The following ARL9 variants were observed in gnomAD, a reference collection of about 807,000 sequenced individuals.
ARL9 encodes the protein ARF like GTPase 9.
A neutral mutation model predicts 27.0 loss-of-function variants in ARL9; 14 were observed. The ratio of observed to expected loss-of-function variants is 0.52; its 90% CI spans 0.34 to 0.81. ARL9 has a LOEUF of 0.81. Among genes scored for constraint, ARL9 ranks in the 30% least tolerant of loss-of-function variants. The pLI is 0.01. For missense variants in ARL9, 294 were observed against 290.0 expected (o/e 1.01, Z -0.10); for synonymous variants, 106 against 108.7 (o/e 0.98, Z 0.15).
chr4:56,518,979 T>G, intron 3 of ARL9, 126 bp downstream of exon 3: 1 of 924,872 alleles, frequency 1.1e-6, no homozygotes, highest in Non-Finnish European at 1.6e-6. Context: ...TTAGAGCTCT[T>G]GGATTATAAA....
At chr4:56,507,965 CAA>C (rs202126461) in intron 1 of ARL9, among the ~76,000 whole-genome samples, 22,121 of 122,826 alleles carry the variant, frequency 0.18, 2,134 homozygotes, top group East Asian at 0.48. Context: ...GATTCTGTAT[CAA>C]AAAAAAAAAA....
chr4:56,517,884 A>C (rs1459658362), intron 2 of ARL9, among the ~76,000 whole-genome samples: 1 of 152,176 alleles, frequency 6.6e-6, no homozygotes, highest in African/African-American at 2.4e-5. Context: ...AAAGGAAAAA[A>C]ATTGTGCAAG....
upstream of ARL9, chr4:56,505,596 T>C (rs1010635586): frequency 3.5e-5 from 21 of 597,386 alleles, no homozygotes; most frequent in African/African-American, 3.5e-4. Flanking sequence ...TTGGTTTCGC[T>C]TGGCTGGGCT....
intron 3 of ARL9, among the ~76,000 whole-genome samples, chr4:56,522,482 GA>G (rs1437443063): frequency 1.3e-5 from 2 of 151,768 alleles, no homozygotes; most frequent in Non-Finnish European, 2.9e-5. Context: ...GTTATTTCCA[GA>G]GATTTAAAAA....
intron 3 of ARL9, among the ~76,000 whole-genome samples, chr4:56,520,957 A>T (rs1194748086): frequency 6.6e-6 from 1 of 152,088 alleles, no homozygotes; most frequent in Non-Finnish European, 1.5e-5. Context: ...CATGCCTGTA[A>T]TCCCAGCACT....
chr4:56,518,943 T>G, intron 3 of ARL9, 90 bp downstream of exon 3: 1 of 1,215,450 alleles, frequency 8.2e-7, no homozygotes, highest in Non-Finnish European at 1.1e-6. Context: ...AACAATATGC[T>G]ATATATTTAA....
At position 56,506,087 on chromosome 4, in the gene ARL9, A is replaced by C. The variant is rs558500943; in HGVS notation, c.225A>C (p.Glu75Asp). ...AGAAGGAACAATTTAAGGGACAAGA[A>C]GAGAAAGGGGAGAACAAGGACAGCA... ...NKEKEQFKGQ[E>D]EKGENKDSTL... The change falls in exon 1 of 4, where the codon GAA (glutamate) becomes GAC (aspartate). Residue 75 changes from glutamate to aspartate, a missense_variant. Transcript: ENST00000640821. 3.2e-6 allele frequency: 4 copies of C among 1,234,706 alleles called. No homozygotes were observed. Among genetic ancestry groups the C allele is most frequent in the Non-Finnish European group, 4.0e-6 (4 of 989,828 alleles). 76.5% of individuals were successfully genotyped at this position (1,234,706 alleles called of 1,614,324 possible). A position where few individuals can be genotyped will look rare whatever the true frequency, so the allele number is the denominator to read the frequency against.
chr4:56,506,218 C>A, intron 1 of ARL9, 77 bp downstream of exon 1: 3 of 1,221,280 alleles, frequency 2.5e-6, no homozygotes, highest in Non-Finnish European at 3.1e-6. Flanking sequence ...GTCTCTGTTA[C>A]GTCGGAGGCC....
chr4:56,520,447 A>G (rs1253152414), intron 3 of ARL9, among the ~76,000 whole-genome samples: 2 of 152,188 alleles, frequency 1.3e-5, no homozygotes, highest in Non-Finnish European at 2.9e-5. Context: ...CGAGGTACCT[A>G]GAGTTGTCAG....
intron 2 of ARL9, among the ~76,000 whole-genome samples, chr4:56,517,655 C>T (rs1287593611): frequency 1.3e-5 from 2 of 152,092 alleles, no homozygotes; most frequent in African/African-American, 4.8e-5. Context: ...CAGATTTGAA[C>T]TGTGGGCCAT....
At chr4:56,506,538 T>A in intron 1 of ARL9, 1 of 824,466 alleles carries the variant, frequency 1.2e-6, no homozygotes, top group Non-Finnish European at 1.5e-6. Context: ...CAGGCCCTCT[T>A]TGCATTGAAT....
intron 1 of ARL9, among the ~76,000 whole-genome samples, chr4:56,510,750 TA>T (rs1485657405): frequency 6.6e-6 from 1 of 150,740 alleles, no homozygotes; most frequent in African/African-American, 2.4e-5. Flanking sequence ...TCTAGACGTA[TA>T]AAATATTCGT....
chr4:56,518,610 C>A, intron 2 of ARL9, 68 bp from the exon 3 acceptor site: 1 of 1,422,852 alleles, frequency 7.0e-7, no homozygotes, highest in Non-Finnish European at 9.7e-7. Context: ...TGTGCCCTCC[C>A]TGCTCCCTGG....
rs1219685108 is a variant in ARL9 at position 56,511,358 on chromosome 4, T to TG, written c.442+12dup. ...TGGAGTTCCTGGAGAGTAAGCTCTC[T>TG]GTTCCTTAGTTATAAGATAGCCACA... On this transcript the variant is annotated intron_variant, in intron 2 of 3. Coordinates refer to ENST00000640821, the MANE Select transcript of ARL9 (RefSeq NM_001363794.2). 1 of 1,604,178 alleles carries TG rather than the reference T, an allele frequency of 6.2e-7. No individual in the cohort carries two copies.
Position 56,523,682 on chromosome 4 carries a change from C to T in ARL9, c.619-15C>T. On this transcript the variant is annotated splice_polypyrimidine_tract_variant and intron_variant, in intron 3 of 3. Transcript: ENST00000640821. Reference sequence around the variant, plus strand: ...TAACCAACTTTGTCCTATTCTTATTCCACTCCGGATGAAGGATCTTGAAGC... The same window carrying T: ...TAACCAACTTTGTCCTATTCTTATTTCACTCCGGATGAAGGATCTTGAAGC... The T allele has an allele frequency of 6.2e-7, 1 of 1,601,854 alleles. No homozygotes were observed. The highest frequency in any genetic ancestry group is 1.1e-5 in the South Asian group (1 of 89,322).
At chr4:56,505,537 C>T, upstream of ARL9, 1 of 534,116 alleles carries the variant, frequency 1.9e-6, no homozygotes, top group South Asian at 1.5e-5. Context: ...GCTTTTTCTG[C>T]AGCAATGATA....
At chr4:56,506,925 A>G (rs1721483494) in intron 1 of ARL9, among the ~76,000 whole-genome samples, 1 of 151,340 alleles carries the variant, frequency 6.6e-6, no homozygotes, top group Non-Finnish European at 1.5e-5. Context: ...AACCTCAGTG[A>G]CTGGCACTAC....
chr4:56,521,670 A>T (rs1721922486), intron 3 of ARL9, among the ~76,000 whole-genome samples: 1 of 152,152 alleles, frequency 6.6e-6, no homozygotes, highest in South Asian at 2.1e-4. Flanking sequence ...TGCCAATCTG[A>T]TGGGTGAACT....
intron 3 of ARL9, among the ~76,000 whole-genome samples, chr4:56,521,963 C>A (rs1324211503): frequency 6.6e-6 from 1 of 151,740 alleles, no homozygotes; most frequent in Non-Finnish European, 1.5e-5. Flanking sequence ...TCCCTTCCCT[C>A]CCCTCCACTC....
Sources: gnomAD v4.1 joint callset for allele counts (sites outside exome capture counted in the v4.1 genomes callset) on GRCh38, gnomAD v4.1.1 for gene constraint, MANE v1.5 for transcripts, NCBI Gene and HGNC (gene_info 2026-07-23, HGNC 2026-07-21) for gene names.